The following CFAP221 variants were observed in gnomAD, a reference collection of about 807,000 sequenced individuals.
The protein encoded by CFAP221 is cilia and flagella associated protein 221.
A neutral mutation model predicts 113.1 loss-of-function variants in CFAP221; 97 were observed. The observed-to-expected ratio is 0.86, with a 90% confidence interval of 0.73 to 1.02. The LOEUF is 1.02. CFAP221 is among the 50% of genes least tolerant of loss of function. CFAP221 has a pLI of 0.00. For synonymous variants in CFAP221, 331 were observed against 354.4 expected, an observed-to-expected ratio of 0.93 and a Z score of 0.74; for missense variants, 1,025 against 1,013.4, an observed-to-expected ratio of 1.01 and a Z score of -0.16.
chr2:119,622,347 A>G (rs193169825), intron 14 of CFAP221, among the ~76,000 whole-genome samples: 1 of 152,324 alleles, frequency 6.6e-6, no homozygotes, highest in African/African-American at 2.4e-5. Flanking sequence ...TAGACCAATA[A>G]CAAGTTCTGA....
intron 11 of CFAP221, 126 bp from the exon 12 acceptor site, chr2:119,608,376 C>G: frequency 1.6e-6 from 1 of 610,336 alleles, no homozygotes; most frequent in Non-Finnish European, 2.8e-6. Context: ...ACTTCTCTAT[C>G]CCATGTGTCT....
At chr2:119,644,124 G>T (rs1056337803) in intron 21 of CFAP221, among the ~76,000 whole-genome samples, 1 of 151,994 alleles carries the variant, frequency 6.6e-6, no homozygotes, top group Non-Finnish European at 1.5e-5. Flanking sequence ...CTGCACTCCC[G>T]CCTGGGCAGT....
chr2:119,634,294 A>G (rs1016675009), intron 19 of CFAP221, among the ~76,000 whole-genome samples: 1 of 151,894 alleles, frequency 6.6e-6, no homozygotes, highest in Admixed American at 6.6e-5. Context: ...AGGCAACATA[A>G]CAAGACACTG....
intron 19 of CFAP221, among the ~76,000 whole-genome samples, chr2:119,632,437 C>T (rs1686834402): frequency 6.6e-6 from 1 of 152,060 alleles, no homozygotes; most frequent in African/African-American, 2.4e-5. Context: ...ATCTAACATC[C>T]ATTCCTGATG....
In CFAP221 at chr2:119,627,644, C is replaced by G. The variant is rs1218299706; in HGVS notation, c.1517-9C>G. ...TACCCCCTAAAAGTGCCCTTTTTTT[C>G]ACCCATAGAGGCGAATTTCTTCAAA... is the stretch of plus-strand genomic sequence containing the variant. On this transcript the variant is annotated splice_polypyrimidine_tract_variant and intron_variant, in intron 15 of 23. Coordinates refer to ENST00000413369, the MANE Select transcript of CFAP221 (RefSeq NM_001271049.2). The G allele has an allele frequency of 2.5e-6, 4 of 1,607,602 alleles. No homozygotes were observed. The highest frequency in any genetic ancestry group is 3.4e-6 in the Non-Finnish European group (4 of 1,177,820).
chr2:119,573,787 C>T (rs1013611677), intron 6 of CFAP221, among the ~76,000 whole-genome samples: 4 of 152,088 alleles, frequency 2.6e-5, no homozygotes, highest in Non-Finnish European at 5.9e-5. Flanking sequence ...TTTAATATAC[C>T]TTTGCTGACC....
At chr2:119,609,280 T>A (rs1223178036) in intron 12 of CFAP221, among the ~76,000 whole-genome samples, 1 of 152,216 alleles carries the variant, frequency 6.6e-6, no homozygotes, top group Non-Finnish European at 1.5e-5. Flanking sequence ...GCTGGGGCTC[T>A]GTGTCTGAAT....
chr2:119,561,839 G>A (rs985648735), intron 5 of CFAP221, among the ~76,000 whole-genome samples, 175 bp from the exon 6 acceptor site: 1 of 152,198 alleles, frequency 6.6e-6, no homozygotes, highest in East Asian at 1.9e-4. Flanking sequence ...AATTTTCTAC[G>A]CTTTGTTTAT....
intron 16 of CFAP221, 131 bp downstream of exon 16, chr2:119,627,917 G>A (rs1431471433): frequency 7.9e-7 from 1 of 1,263,946 alleles, no homozygotes. Flanking sequence ...GATGAGGAGA[G>A]TATTACCAGT....
chr2:119,607,823 A>G (rs1391043179), intron 11 of CFAP221, among the ~76,000 whole-genome samples: 1 of 152,362 alleles, frequency 6.6e-6, no homozygotes, highest in South Asian at 2.1e-4. Context: ...CATCCACATC[A>G]TAACATGTGT....
chr2:119,638,230 AAAG>A (rs771004262), intron 19 of CFAP221, 26 bp from the exon 20 acceptor site: 35 of 1,612,336 alleles, frequency 2.2e-5, no homozygotes, highest in Non-Finnish European at 2.9e-5. Flanking sequence ...GGTAAACAGA[AAAG>A]AATATTTTTT....
chr2:119,560,308 C>G (rs1331098642), intron 5 of CFAP221, among the ~76,000 whole-genome samples: 2 of 152,204 alleles, frequency 1.3e-5, no homozygotes. Flanking sequence ...CTTCATCTAT[C>G]ATGTGGTGCT....
chr2:119,646,330 A>G (rs1467998858), intron 21 of CFAP221, among the ~76,000 whole-genome samples: 2 of 152,218 alleles, frequency 1.3e-5, no homozygotes, highest in African/African-American at 4.8e-5. Context: ...TAAGCTGTAC[A>G]GGAAGCAGGA....
At chr2:119,572,075 A>T (rs1462165085) in intron 6 of CFAP221, among the ~76,000 whole-genome samples, 1 of 152,212 alleles carries the variant, frequency 6.6e-6, no homozygotes, top group African/African-American at 2.4e-5. Flanking sequence ...TTGGGCTGGT[A>T]TGTATTCGTC....
chr2:119,557,390 G>C (rs1680884955), intron 3 of CFAP221: 2 of 152,250 alleles, frequency 1.3e-5, no homozygotes, highest in Non-Finnish European at 1.5e-5. Flanking sequence ...TAGTGGGGAG[G>C]CTTTGATGGC....
At chr2:119,551,391 T>A (rs1680415443) in intron 3 of CFAP221, among the ~76,000 whole-genome samples, 1 of 152,248 alleles carries the variant, frequency 6.6e-6, no homozygotes, top group Admixed American at 6.5e-5. Context: ...TTCTAAGAGT[T>A]TTATAGTTTT....
At chr2:119,653,270 G>A (rs553640014) in intron 23 of CFAP221, among the ~76,000 whole-genome samples, 26 of 151,946 alleles carry the variant, frequency 1.7e-4, no homozygotes, top group African/African-American at 6.3e-4. Flanking sequence ...AATCCCAGGT[G>A]TTTGGGAGGC....
At chr2:119,607,414 G>A (rs765249451) in intron 11 of CFAP221, among the ~76,000 whole-genome samples, 49 of 145,454 alleles carry the variant, frequency 3.4e-4, no homozygotes, top group Admixed American at 3.6e-4. Flanking sequence ...CAGTTCTCTA[G>A]AACATCCTTC....
At position 119,611,702 on chromosome 2, in the gene CFAP221, C is replaced by G. The variant is rs748199386; in HGVS notation, c.1271C>G (p.Thr424Arg). 1.2e-6 allele frequency: 2 copies of G among 1,613,846 alleles called. No individual in the cohort carries two copies. Among genetic ancestry groups the G allele is most frequent in the Non-Finnish European group, 1.7e-6 (2 of 1,179,934 alleles). ...ILDEEFQRLK[T>R]EVSHKRVVRN... ...GATGAGGAATTTCAGCGACTTAAAA[C>G]AGAAGTTAGCCATAAACGGGTTGTT... Residue 424 changes from threonine (T) to arginine (R), a missense_variant, in exon 13 of 24, where the codon ACA becomes AGA. Transcript: ENST00000413369.
Sources: allele counts gnomAD v4.1 joint callset (sites outside exome capture counted in the v4.1 genomes callset), GRCh38; gene constraint gnomAD v4.1.1; transcripts MANE v1.5; gene names NCBI Gene and HGNC (gene_info 2026-07-23, HGNC 2026-07-21).